The following UVRAG variants were observed in gnomAD, a reference collection of about 807,000 sequenced individuals.
The protein encoded by UVRAG is UV radiation resistance-associated gene protein.
A neutral mutation model predicts 78.0 loss-of-function variants in UVRAG; 19 were observed. The ratio of observed to expected loss-of-function variants is 0.24; its 90% CI spans 0.17 to 0.36. The LOEUF (loss-of-function observed/expected upper bound fraction) is 0.36, where lower values mean the gene tolerates loss of function less well. Ranked by LOEUF, UVRAG falls within the 10% of genes least tolerant of loss-of-function variation. The pLI is 1.00. For synonymous variants in UVRAG, 323 were observed against 324.6 expected (o/e 1.00, Z 0.05); for missense variants, 740 against 853.8 (o/e 0.87, Z 1.66).
chr11:76,043,539 G>C (rs1950690805), intron 12 of UVRAG, among the ~76,000 whole-genome samples: 1 of 152,110 alleles, frequency 6.6e-6, no homozygotes, highest in Non-Finnish European at 1.5e-5. Context: ...ATATGTCTGG[G>C]TTAAAGTCTG....
chr11:75,990,911 TTGAA>T (rs1949593263), intron 8 of UVRAG, among the ~76,000 whole-genome samples: 1 of 152,214 alleles, frequency 6.6e-6, no homozygotes. Flanking sequence ...TAAATATTTG[TTGAA>T]TGAAAGCATC....
At chr11:75,837,445 T>G (rs1488923853) in intron 1 of UVRAG, 1 of 152,204 alleles carries the variant, frequency 6.6e-6, no homozygotes, top group Non-Finnish European at 1.5e-5. Flanking sequence ...CTAGATTACT[T>G]ATAATATCTA....
chr11:75,960,570 C>G (rs1166951324), intron 6 of UVRAG, among the ~76,000 whole-genome samples: 2 of 152,040 alleles, frequency 1.3e-5, no homozygotes, highest in African/African-American at 4.8e-5. Flanking sequence ...AGTTTGAGAC[C>G]AGTCTGGGCA....
chr11:76,115,512 A>C (rs972771527), intron 13 of UVRAG, among the ~76,000 whole-genome samples: 1 of 152,252 alleles, frequency 6.6e-6, no homozygotes, highest in Non-Finnish European at 1.5e-5. Context: ...GAAGCTGGCA[A>C]TATCTAAAAA....
chr11:76,042,422 A>G (rs1447303800), intron 12 of UVRAG, among the ~76,000 whole-genome samples: 1 of 152,248 alleles, frequency 6.6e-6, no homozygotes, highest in Non-Finnish European at 1.5e-5. Context: ...AAGATATGAC[A>G]GGTGCTGTTG....
chr11:75,887,199 G>A (rs971657100), intron 4 of UVRAG, among the ~76,000 whole-genome samples: 4 of 152,044 alleles, frequency 2.6e-5, no homozygotes, highest in Non-Finnish European at 4.4e-5. Flanking sequence ...AGGCTGGAGT[G>A]CAGCGGCGTG....
chr11:76,073,311 C>G (rs1417191300), intron 13 of UVRAG, among the ~76,000 whole-genome samples: 1 of 152,078 alleles, frequency 6.6e-6, no homozygotes, highest in Non-Finnish European at 1.5e-5. Flanking sequence ...TTTTTAAAAG[C>G]CTTGTCTTTA....
chr11:75,830,312 C>A (rs1390032550), intron 1 of UVRAG, among the ~76,000 whole-genome samples: 1 of 152,018 alleles, frequency 6.6e-6, no homozygotes, highest in Non-Finnish European at 1.5e-5. Context: ...CGCTTTCGGC[C>A]AGGCTGGAGT....
At chr11:75,818,868 A>G (rs1019978268) in intron 1 of UVRAG, among the ~76,000 whole-genome samples, 1 of 152,188 alleles carries the variant, frequency 6.6e-6, no homozygotes, top group Non-Finnish European at 1.5e-5. Flanking sequence ...GTGGCTCCCA[A>G]CCTTCTTCTA....
intron 13 of UVRAG, among the ~76,000 whole-genome samples, chr11:76,084,875 A>G (rs1222537651): frequency 6.6e-6 from 1 of 151,980 alleles, no homozygotes; most frequent in African/African-American, 2.4e-5. Context: ...CAGCCTGGCC[A>G]ATGTGAAACC....
chr11:76,088,361 C>T (rs892924782), intron 13 of UVRAG, among the ~76,000 whole-genome samples: 3 of 152,034 alleles, frequency 2.0e-5, no homozygotes, highest in Non-Finnish European at 2.9e-5. Flanking sequence ...AAAACGAGGA[C>T]GAGGGGTGGG....
intron 5 of UVRAG, among the ~76,000 whole-genome samples, chr11:75,909,575 G>A (rs1446241081): frequency 3.9e-5 from 6 of 152,032 alleles, no homozygotes; most frequent in Non-Finnish European, 4.4e-5. Context: ...GCTGTAAAAA[G>A]CTTTGCTTCT....
At chr11:75,853,135 A>AG (rs1401894119) in intron 2 of UVRAG, among the ~76,000 whole-genome samples, 2 of 151,598 alleles carry the variant, frequency 1.3e-5, no homozygotes, top group African/African-American at 4.9e-5. Flanking sequence ...CTGGTCTCCA[A>AG]CTCCTGGACT....
chr11:76,035,206 C>T (rs1486356244), intron 12 of UVRAG, among the ~76,000 whole-genome samples: 1 of 152,184 alleles, frequency 6.6e-6, no homozygotes, highest in East Asian at 1.9e-4. Context: ...GAAGCCACCT[C>T]CTAATATTGA....
Position 76,016,926 on chromosome 11 carries a change from C to G in UVRAG, c.1172C>G (p.Ser391Cys), listed in dbSNP as rs1324692156. The change falls in exon 12 of 15, where the codon TCT becomes TGT. Residue 391 changes from serine to cysteine, a missense_variant. Physicochemically the swap from Ser to Cys is moderately radical, Grantham distance 112 (BLOSUM62 -1). Transcript: ENST00000356136. ...AGATATCCTATAATTCATAAGGGGT[C>G]TAGATCAACAATCAAAGACAATATC... ...PLRYPIIHKG[S>C]RSTIKDNIND... 3.1e-6 allele frequency: 5 copies of G among 1,608,964 alleles called. No homozygotes were observed. Among genetic ancestry groups the G allele is most frequent in the Non-Finnish European group, 4.2e-6 (5 of 1,177,148 alleles).
chr11:76,122,433 C>T (rs556426854), intron 14 of UVRAG, among the ~76,000 whole-genome samples: 77 of 152,264 alleles, frequency 5.1e-4, no homozygotes, highest in Middle Eastern at 6.8e-3. Context: ...CTGCCTCAAT[C>T]CCTTTCCCTA....
intron 8 of UVRAG, among the ~76,000 whole-genome samples, chr11:75,993,482 A>G (rs977939950): frequency 5.3e-5 from 8 of 152,062 alleles, no homozygotes; most frequent in African/African-American, 1.9e-4. Context: ...TTAACTTAGG[A>G]TGTTTAATAA....
intron 13 of UVRAG, among the ~76,000 whole-genome samples, chr11:76,076,832 A>ATTTATTTATTTATTTAT (rs113225143): frequency 9.3e-5 from 14 of 150,450 alleles, no homozygotes; most frequent in African/African-American, 2.9e-4. Context: ...TTATTTATTT[A>ATTTATTTATTTATTTAT]TTAGAGGCAG....
At chr11:75,985,123 C>T (rs531013024) in intron 8 of UVRAG, among the ~76,000 whole-genome samples, 1 of 151,252 alleles carries the variant, frequency 6.6e-6, no homozygotes, top group African/African-American at 2.4e-5. Context: ...CAGTGTTGCT[C>T]CTTCCTACAT....
Sources: gnomAD v4.1 joint callset for allele counts (sites outside exome capture counted in the v4.1 genomes callset) on GRCh38, gnomAD v4.1.1 for gene constraint, MANE v1.5 for transcripts, NCBI Gene and HGNC (gene_info 2026-07-23, HGNC 2026-07-21) for gene names.